VWA5B1: variants seen among roughly 807,000 people sequenced by gnomAD.
VWA5B1 encodes the protein von Willebrand factor A domain containing 5B1.
Under a neutral mutation model 118.2 loss-of-function variants are expected in VWA5B1, and 115 were observed. The ratio of observed to expected loss-of-function variants is 0.97; its 90% confidence interval spans 0.84 to 1.14. The LOEUF (loss-of-function observed/expected upper bound fraction) is 1.14. Among genes scored for constraint, VWA5B1 ranks in the 50% most tolerant of loss-of-function variants. The pLI, the probability that VWA5B1 is intolerant of heterozygous loss-of-function variation, is 0.00. For synonymous variants in VWA5B1, 682 were observed against 658.4 expected, an observed-to-expected ratio of 1.04 and a Z score of -0.55; for missense variants, 1,596 against 1,603.8, an observed-to-expected ratio of 1.00 and a Z score of 0.08.
chr1:20,318,986 C>T (rs551477982), intron 6 of VWA5B1, among the ~76,000 whole-genome samples: 1 of 152,194 alleles, frequency 6.6e-6, no homozygotes, highest in South Asian at 2.1e-4. Context: ...TACCCCCAGG[C>T]CAGCTGAACA....
At chr1:20,291,543 C>A (rs2088306294) in intron 1 of VWA5B1, among the ~76,000 whole-genome samples, 1 of 151,918 alleles carries the variant, frequency 6.6e-6, no homozygotes, top group Admixed American at 6.5e-5. Flanking sequence ...CCTCCTTCCT[C>A]CCTCTCTCAA....
chr1:20,349,275 C>A, intron 18 of VWA5B1: 2 of 382,130 alleles, frequency 5.2e-6, no homozygotes, highest in Non-Finnish European at 1.1e-5. Flanking sequence ...CCAAGCTGAA[C>A]TTCCAGTCTT....
chr1:20,305,568 G>A (rs2088626383), intron 1 of VWA5B1, among the ~76,000 whole-genome samples: 1 of 152,108 alleles, frequency 6.6e-6, no homozygotes, highest in African/African-American at 2.4e-5. Flanking sequence ...GCAGCAACTG[G>A]GACCAAGGAC....
At chr1:20,343,015 C>T in intron 15 of VWA5B1, 64 bp from the exon 16 acceptor site, 1 of 1,464,246 alleles carries the variant, frequency 6.8e-7, no homozygotes, top group Non-Finnish European at 9.1e-7. Flanking sequence ...GGAATGATGT[C>T]CCCTGGGAGT....
At chr1:20,294,827 G>T (rs943275451) in intron 1 of VWA5B1, among the ~76,000 whole-genome samples, 8 of 152,128 alleles carry the variant, frequency 5.3e-5, no homozygotes, top group Admixed American at 2.0e-4. Flanking sequence ...AGCCTCAGGT[G>T]ATCTGCCCGC....
In VWA5B1 at chr1:20,354,214, A is replaced by T; in HGVS notation, c.3599A>T (p.Asp1200Val). Residue 1200 changes from aspartate to valine, a missense_variant, in exon 22 of 22, where the codon GAT becomes GTT. Physicochemically the swap from Asp to Val is radical, Grantham distance 152. Coordinates refer to ENST00000289815, the MANE Select transcript of VWA5B1 (RefSeq NM_001039500.3). ...CTGTTTGTGCTTCTGCGGCACTGGG[A>T]TGAGAATCTCGAGTTCAATATGCTC... ...RQLFVLLRHW[D>V]ENLEFNMLCY... is the part of the protein sequence containing the mutation. 1 of 1,543,830 alleles carries T rather than the reference A, an allele frequency of 6.5e-7. No homozygotes were observed. The highest frequency in any genetic ancestry group is 8.7e-7 in the Non-Finnish European group (1 of 1,142,948).
chr1:20,313,450 G>A (rs553121860), intron 3 of VWA5B1, among the ~76,000 whole-genome samples: 7 of 152,194 alleles, frequency 4.6e-5, no homozygotes, highest in African/African-American at 7.2e-5. Context: ...GACAATGCAC[G>A]CAGAGGACTC....
In VWA5B1 at chr1:20,350,163, G is replaced by A; in HGVS notation, c.2886G>A (p.Glu962=). Residue 962 remains glutamate, a synonymous_variant, in exon 19 of 22, where the codon GAG becomes GAA. Transcript: ENST00000289815. Reference sequence around the variant, plus strand: ...CTGGCTCCTCTGTCCTAGACATGGAGGCAAGTCCCACTGCTCTCTTCAGCG... The same window carrying A: ...CTGGCTCCTCTGTCCTAGACATGGAAGCAAGTCCCACTGCTCTCTTCAGCG... ...GEDSAPGNDM[E]ASPTALFSEA... The A allele has an allele frequency of 1.3e-6, 2 of 1,551,234 alleles. No homozygotes were observed. The highest frequency in any genetic ancestry group is 1.7e-6 in the Non-Finnish European group (2 of 1,146,960).
Position 20,358,920 on chromosome 1 carries a change from G to A in VWA5B1, c.*4657G>A, listed in dbSNP as rs1348174668. Reference sequence around the variant, plus strand: ...GTCCAAGGTCAGGGGCTTGGCAGCAGCTCCTGGCCACGCCTACAGCTCCCA... The same window carrying A: ...GTCCAAGGTCAGGGGCTTGGCAGCAACTCCTGGCCACGCCTACAGCTCCCA... On this transcript the variant is annotated 3_prime_UTR_variant, in exon 22 of 22. Coordinates refer to ENST00000289815, the MANE Select transcript of VWA5B1 (RefSeq NM_001039500.3). Among the ~76,000 whole-genome samples, 2 of 152,196 alleles carry A rather than the reference G, an allele frequency of 1.3e-5. No homozygotes were observed. Among genetic ancestry groups the A allele is most frequent in the African/African-American group, 4.8e-5 (2 of 41,440 alleles).
intron 1 of VWA5B1, chr1:20,294,209 G>T (rs997797544): frequency 6.6e-6 from 1 of 152,150 alleles, no homozygotes; most frequent in Non-Finnish European, 1.5e-5. Context: ...CAGAGGCAAG[G>T]GCTGGGTCAG....
intron 19 of VWA5B1, 92 bp from the exon 20 acceptor site, chr1:20,350,765 C>A: frequency 8.2e-7 from 1 of 1,224,602 alleles, no homozygotes; most frequent in Non-Finnish European, 1.2e-6. Context: ...AAGCACCTGC[C>A]CCTCTCTAGG....
intron 9 of VWA5B1, among the ~76,000 whole-genome samples, chr1:20,329,776 A>T (rs2089492584): frequency 1.3e-5 from 2 of 152,232 alleles, no homozygotes; most frequent in Non-Finnish European, 2.9e-5. Flanking sequence ...AAAATGTCAC[A>T]GGGGGCTGGT....
rs572055026 is a variant in VWA5B1, at chr1:20,314,418, C to T, written c.389C>T (p.Ala130Val). Residue 130 changes from alanine to valine, a missense_variant, in exon 4 of 22, where the codon GCC becomes GTC. Transcript: ENST00000289815. ...GATTTGGAGCGGATCCTGTTCGTGGCCAACCTGGGGACCATTGCCCCCATG... is the reference window on the plus strand; with the variant it reads ...GATTTGGAGCGGATCCTGTTCGTGGTCAACCTGGGGACCATTGCCCCCATG... ...DEDLERILFV[A>V]NLGTIAPMEN... 14 of 1,551,832 alleles carry T rather than the reference C, an allele frequency of 9.0e-6. No homozygotes were observed. Among genetic ancestry groups the T allele is most frequent in the Non-Finnish European group, 1.2e-5 (14 of 1,147,060 alleles).
chr1:20,305,466 G>A (rs2088623054), intron 1 of VWA5B1, among the ~76,000 whole-genome samples: 1 of 152,110 alleles, frequency 6.6e-6, no homozygotes, highest in South Asian at 2.1e-4. Flanking sequence ...AGACCTTAGA[G>A]AAGGCAAGCC....
chr1:20,343,412 C>A lies in VWA5B1; in HGVS notation c.2626+19C>A, dbSNP rs1330302928. On this transcript the variant is annotated intron_variant, in intron 16 of 21. Coordinates refer to ENST00000289815, the MANE Select transcript of VWA5B1 (RefSeq NM_001039500.3). ...GAGCAGGGTGAGCGCCACGGAACTG[C>A]GCCCCTCCCGCGGACGGCCTCCGGA... 6.7e-7 allele frequency: 1 copy of A among 1,487,424 alleles called. No homozygotes were observed. The highest frequency in any genetic ancestry group is 8.9e-7 in the Non-Finnish European group (1 of 1,119,700). 92.1% of individuals were successfully genotyped at this position (1,487,424 alleles called of 1,614,324 possible). A position where few individuals can be genotyped will look rare whatever the true frequency, so the allele number is the denominator to read the frequency against.
intron 17 of VWA5B1, among the ~76,000 whole-genome samples, chr1:20,346,532 A>G (rs532482702): frequency 5.4e-4 from 82 of 152,334 alleles, no homozygotes; most frequent in Middle Eastern, 3.4e-3. Flanking sequence ...TAATTCTTAG[A>G]AGTAGGATTG....
intron 7 of VWA5B1, among the ~76,000 whole-genome samples, chr1:20,322,556 A>C (rs1334266057): frequency 6.6e-6 from 1 of 152,222 alleles, no homozygotes; most frequent in Non-Finnish European, 1.5e-5. Context: ...AGGTAAAAGA[A>C]GCTAAGAGAT....
chr1:20,329,456 G>A (rs1464363174), intron 9 of VWA5B1, among the ~76,000 whole-genome samples: 3 of 151,848 alleles, frequency 2.0e-5, no homozygotes, highest in Admixed American at 6.6e-5. Context: ...TTACAGGCAT[G>A]TACCACCACA....
intron 1 of VWA5B1, among the ~76,000 whole-genome samples, chr1:20,291,353 CTT>C (rs879547768): frequency 0.041 from 5,023 of 123,818 alleles, 126 homozygotes; most frequent in Admixed American, 0.069. Context: ...TTCTTTCTTT[CTT>C]TCTTTCTCTC....
Sources: gnomAD v4.1 joint callset for allele counts (sites outside exome capture counted in the v4.1 genomes callset) on GRCh38, gnomAD v4.1.1 for gene constraint, MANE v1.5 for transcripts, NCBI Gene and HGNC (gene_info 2026-07-23, HGNC 2026-07-21) for gene names.